SLC44A1: variants seen among roughly 807,000 people sequenced by gnomAD.
SLC44A1 encodes the protein solute carrier family 44 member 1.
In SLC44A1, 26 loss-of-function variants were observed where a neutral mutation model predicts 79.3. The observed-to-expected ratio is 0.33, with a 90% CI of 0.24 to 0.46. The LOEUF (loss-of-function observed/expected upper bound fraction) is 0.46, where lower values mean the gene tolerates loss of function less well. Ranked by LOEUF, SLC44A1 falls within the 20% of genes least tolerant of loss-of-function variation. The pLI, the probability that SLC44A1 is intolerant of heterozygous loss-of-function variation, is 1.00. For synonymous variants in SLC44A1, 263 were observed against 286.2 expected (o/e 0.92, Z 0.82); for missense variants, 688 against 798.1 (o/e 0.86, Z 1.66).
At position 105,279,530 on chromosome 9, in the gene SLC44A1, A is replaced by G. The variant is rs376795332; in HGVS notation, c.37-19690A>G. On this transcript the variant is annotated intron_variant, in intron 1 of 15. Coordinates refer to ENST00000374720, the MANE Select transcript of SLC44A1 (RefSeq NM_080546.5). ...ACGGGGTTTCACCATGTTGGCCAGG[A>G]TGGTCTCAATCTCTTGACCTCGTGA... Among the ~76,000 whole-genome samples the G allele has an allele frequency of 2.8e-4, 42 of 152,044 alleles. 1 individual carries two copies. In the South Asian group the frequency reaches 8.5e-3, roughly 31 times the overall value.
chr9:105,251,279 C>G (rs1392536216), intron 1 of SLC44A1, among the ~76,000 whole-genome samples: 1 of 152,100 alleles, frequency 6.6e-6, no homozygotes, highest in Non-Finnish European at 1.5e-5. Flanking sequence ...ACTGGAGACT[C>G]GAGTCCTGTA....
intron 15 of SLC44A1, among the ~76,000 whole-genome samples, chr9:105,436,761 C>T (rs1021457836): frequency 2.0e-5 from 3 of 152,012 alleles, no homozygotes; most frequent in Admixed American, 1.3e-4. Flanking sequence ...AATCTGAGGC[C>T]GGGGGATCAG....
chr9:105,388,425 A>G (rs1440159785), intron 15 of SLC44A1, among the ~76,000 whole-genome samples: 1 of 152,198 alleles, frequency 6.6e-6, no homozygotes, highest in Non-Finnish European at 1.5e-5. Flanking sequence ...CCTATTTTGC[A>G]TTAGCTCTAG....
downstream of SLC44A1, among the ~76,000 whole-genome samples, chr9:105,400,218 C>T (rs1313128588): frequency 2.6e-5 from 4 of 151,814 alleles, no homozygotes; most frequent in African/African-American, 9.7e-5. Flanking sequence ...AGGCTGGGCG[C>T]GGTGGCTCAT....
chr9:105,287,797 C>A (rs1830510687), intron 1 of SLC44A1, among the ~76,000 whole-genome samples: 1 of 152,162 alleles, frequency 6.6e-6, no homozygotes, highest in Non-Finnish European at 1.5e-5. Context: ...CTGCATTCTT[C>A]AGGAGAAATC....
chr9:105,322,131 A>T (rs1208075175), intron 3 of SLC44A1, among the ~76,000 whole-genome samples: 3 of 152,222 alleles, frequency 2.0e-5, no homozygotes, highest in African/African-American at 7.2e-5. Flanking sequence ...TGGAGAAGAG[A>T]TGAGACCAGA....
At chr9:105,304,322 GAAC>G (rs1564425766) in intron 2 of SLC44A1, among the ~76,000 whole-genome samples, 1 of 152,080 alleles carries the variant, frequency 6.6e-6, no homozygotes. Context: ...ACAGAAATAA[GAAC>G]AACAACATTC....
intron 3 of SLC44A1, among the ~76,000 whole-genome samples, chr9:105,312,377 T>G (rs991614953): frequency 2.0e-5 from 3 of 152,240 alleles, no homozygotes; most frequent in Non-Finnish European, 4.4e-5. Flanking sequence ...ATATACTTAT[T>G]TTTTGATTAT....
intron 1 of SLC44A1, among the ~76,000 whole-genome samples, chr9:105,279,781 A>T (rs1830308056): frequency 1.3e-5 from 2 of 152,208 alleles, no homozygotes; most frequent in African/African-American, 2.4e-5. Flanking sequence ...AATCCACCAT[A>T]CCAAAGTAAG....
At chr9:105,267,616 ATTC>A (rs1829990916) in intron 1 of SLC44A1, among the ~76,000 whole-genome samples, 1 of 151,970 alleles carries the variant, frequency 6.6e-6, no homozygotes, top group African/African-American at 2.4e-5. Flanking sequence ...TCTTTTCAGT[ATTC>A]TTTTTTGTTT....
chr9:105,286,406 T>A (rs1380583354), intron 1 of SLC44A1, among the ~76,000 whole-genome samples: 1 of 152,314 alleles, frequency 6.6e-6, no homozygotes, highest in East Asian at 1.9e-4. Context: ...AACATCAACT[T>A]CATAACACTT....
At chr9:105,415,792 A>G (rs1342156131) in intron 15 of SLC44A1, among the ~76,000 whole-genome samples, 2 of 151,188 alleles carry the variant, frequency 1.3e-5, no homozygotes, top group East Asian at 3.9e-4. Context: ...CTTGAAGAAT[A>G]TTGTCCTTCG....
At chr9:105,315,271 GTTTT>G (rs72336954) in intron 3 of SLC44A1, among the ~76,000 whole-genome samples, 5 of 130,266 alleles carry the variant, frequency 3.8e-5, no homozygotes, top group African/African-American at 1.0e-4. Flanking sequence ...TTTTTTGTTT[GTTTT>G]TTTTTTTTTT....
In SLC44A1 at chr9:105,390,013, T is replaced by TA; in HGVS notation, c.*960dup. On this transcript the variant is annotated 3_prime_UTR_variant, in exon 16 of 16. Transcript: ENST00000374720. ...CAGAGTAACGTCAGTGGCTTAGGGT[T>TA]AAACGGCCATTTTATTCAAATGCTT... The TA allele has an allele frequency of 7.2e-7, 1 of 1,383,692 alleles. No individual in the cohort carries two copies. The allele number at this position is 1,383,692 out of a possible 1,614,324, so 85.7% of individuals were successfully genotyped here.
At chr9:105,291,831 C>T (rs75690841) in intron 1 of SLC44A1, among the ~76,000 whole-genome samples, 2,278 of 152,258 alleles carry the variant, frequency 0.015, 62 homozygotes, top group African/African-American at 0.051. Context: ...CTTAACTCTC[C>T]TTACTAGTGA....
intron 4 of SLC44A1, among the ~76,000 whole-genome samples, chr9:105,338,993 G>A (rs1238276168): frequency 6.6e-6 from 1 of 152,184 alleles, no homozygotes; most frequent in Non-Finnish European, 1.5e-5. Context: ...AAAACTCTTA[G>A]AAGAAAATGT....
chr9:105,289,410 G>A (rs1830551747), intron 1 of SLC44A1, among the ~76,000 whole-genome samples: 1 of 152,012 alleles, frequency 6.6e-6, no homozygotes, highest in African/African-American at 2.4e-5. Context: ...TTAATCCCTG[G>A]GTTAAACAAA....
intron 1 of SLC44A1, among the ~76,000 whole-genome samples, chr9:105,284,361 G>A (rs868851673): frequency 2.0e-5 from 3 of 151,510 alleles, no homozygotes; most frequent in Non-Finnish European, 2.9e-5. Context: ...CACTGCACCC[G>A]GTCCTGACAA....
At chr9:105,438,078 G>A (rs1390197844) in intron 15 of SLC44A1, among the ~76,000 whole-genome samples, 1 of 152,090 alleles carries the variant, frequency 6.6e-6, no homozygotes, top group Non-Finnish European at 1.5e-5. Flanking sequence ...ACTTGTGCAT[G>A]AATACACAGT....
Sources: allele counts gnomAD v4.1 joint callset (sites outside exome capture counted in the v4.1 genomes callset), GRCh38; gene constraint gnomAD v4.1.1; transcripts MANE v1.5; gene names NCBI Gene and HGNC (gene_info 2026-07-23, HGNC 2026-07-21).